TPCN1: variants seen among roughly 807,000 people sequenced by gnomAD.
The protein encoded by TPCN1 is two pore channel protein 1.
Under a neutral mutation model 108.8 loss-of-function variants are expected in TPCN1, and 52 were observed. The observed-to-expected ratio is 0.48, with a 90% confidence interval of 0.38 to 0.60. The LOEUF is 0.60. Among genes scored for constraint, TPCN1 ranks in the 20% least tolerant of loss-of-function variants. The pLI, the probability that TPCN1 is intolerant of heterozygous loss-of-function variation, is 0.00. For missense variants in TPCN1, 806 were observed against 1,072.8 expected, an observed-to-expected ratio of 0.75 and a Z score of 3.47; for synonymous variants, 446 against 433.7, an observed-to-expected ratio of 1.03 and a Z score of -0.35.
At position 113,288,226 on chromosome 12, in the gene TPCN1, G is replaced by A. The variant is rs779325060; in HGVS notation, c.1698G>A (p.Arg566=). The A allele has an allele frequency of 9.3e-6, 15 of 1,613,744 alleles. No individual in the cohort carries two copies. The highest frequency in any genetic ancestry group is 1.1e-5 in the South Asian group (1 of 91,086). ...ACACCATGTTCGAGCTGCTGCCCCG[G>A]ATGGCCAGGTACTGCCAGCCCCCAC... ...VLDTMFELLP[R]MASLGLTLLI... is the part of the protein sequence containing the mutation. Residue 566 remains arginine (R), a synonymous_variant, in exon 20 of 28, where the codon CGG becomes CGA. Coordinates refer to ENST00000335509, the MANE Select transcript of TPCN1 (RefSeq NM_017901.6). The surrounding 1 kb of genome is among the most constrained non-coding windows in gnomAD (Gnocchi z 4.8).
chr12:113,267,811 C>A (rs1399333187), intron 4 of TPCN1, 32 bp from the exon 5 acceptor site: 2 of 1,513,420 alleles, frequency 1.3e-6, no homozygotes, highest in South Asian at 1.1e-5. Context: ...GCTGGGCTGG[C>A]CATGACACAT....
rs1170654980 is a variant in TPCN1, at chr12:113,289,344, C to G, written c.1796+497C>G. On this transcript the variant is annotated intron_variant, in intron 21 of 27. Transcript: ENST00000335509. This position sits in a 1 kb window ranked among gnomAD's most constrained non-coding sequence, Gnocchi z 4.1. ...TCACTGCACACTGCCATTCATTCAT[C>G]CTCAATTCAGAGAGTCCTCTTACAT... 1.3e-5 allele frequency among the ~76,000 whole-genome samples: 2 copies of G among 152,244 alleles called. No homozygotes were observed. The highest frequency in any genetic ancestry group is 6.5e-5 in the Admixed American group (1 of 15,282).
intron 2 of TPCN1, among the ~76,000 whole-genome samples, chr12:113,228,873 A>G (rs937414611): frequency 2.6e-4 from 40 of 152,068 alleles, no homozygotes; most frequent in Admixed American, 7.2e-4. Flanking sequence ...CTAGTGAGGG[A>G]GGGTGGTTGG....
At chr12:113,245,393 C>T (rs1367347619) in intron 2 of TPCN1, among the ~76,000 whole-genome samples, 1 of 148,922 alleles carries the variant, frequency 6.7e-6, no homozygotes, top group Non-Finnish European at 1.5e-5. Flanking sequence ...GTCAGGAGAT[C>T]GAGACCATCC....
rs534874260 is a variant in TPCN1 at position 113,272,468 on chromosome 12, C to A, written c.749-190C>A. Among the ~76,000 whole-genome samples, 1 of 152,192 alleles carries A rather than the reference C, an allele frequency of 6.6e-6. No individual in the cohort carries two copies. The highest frequency in any genetic ancestry group is 1.5e-5 in the Non-Finnish European group (1 of 68,036). Reference sequence around the variant, plus strand: ...CGGCACATTGCTGTAGGGCAGCAAGCGTCTGGTGCCAGCAGCCCTGCTCCC... The same window carrying A: ...CGGCACATTGCTGTAGGGCAGCAAGAGTCTGGTGCCAGCAGCCCTGCTCCC... On this transcript the variant is annotated intron_variant, in intron 7 of 27. Coordinates refer to ENST00000335509, the MANE Select transcript of TPCN1 (RefSeq NM_017901.6). The surrounding 1 kb of genome is among the most constrained non-coding windows in gnomAD (Gnocchi z 4.1).
Position 113,277,341 on chromosome 12 carries a change from T to C in TPCN1, c.1161T>C (p.Asn387=). 6.2e-7 allele frequency: 1 copy of C among 1,614,122 alleles called. No individual in the cohort carries two copies. Among genetic ancestry groups the C allele is most frequent in the Non-Finnish European group, 8.5e-7 (1 of 1,180,020 alleles). The part of the protein sequence containing the change: ...RERYLTFKAL[N]QNNTPLLSLK... ...GCTATCTTACCTTCAAGGCCCTGAA[T>C]CAGAACAACACACCCCTGCTCAGGT... is the stretch of plus-strand genomic sequence containing the variant. Residue 387 remains asparagine, a synonymous_variant, in exon 12 of 28, where the codon AAT becomes AAC. Transcript: ENST00000335509.
intron 1 of TPCN1, 139 bp from the exon 2 acceptor site, chr12:113,226,589 C>T (rs1953478668): frequency 1.3e-6 from 1 of 762,478 alleles, no homozygotes; most frequent in Non-Finnish European, 2.0e-6. Flanking sequence ...CCCTAGTTCA[C>T]CATTTTAAAG....
intron 2 of TPCN1, among the ~76,000 whole-genome samples, chr12:113,236,482 G>C (rs1207408726): frequency 6.6e-6 from 1 of 152,100 alleles, no homozygotes; most frequent in Non-Finnish European, 1.5e-5. Flanking sequence ...GTGGAGTTTG[G>C]GGTGCTGGGG....
At chr12:113,248,788 T>A (rs73192822) in intron 2 of TPCN1, among the ~76,000 whole-genome samples, 13,931 of 152,136 alleles carry the variant, frequency 0.092, 730 homozygotes, top group East Asian at 0.21. Flanking sequence ...CTTTAGGATT[T>A]TTGTTATATT....
intron 18 of TPCN1, 67 bp from the exon 19 acceptor site, chr12:113,286,920 A>G: frequency 8.6e-7 from 1 of 1,165,136 alleles, no homozygotes; most frequent in South Asian, 1.3e-5. Context: ...GCACAGGGCC[A>G]GGGAGGGGAG....
intron 25 of TPCN1, 138 bp downstream of exon 25, chr12:113,292,096 T>C: frequency 1.4e-6 from 1 of 719,146 alleles, no homozygotes; most frequent in South Asian, 1.6e-5. Context: ...CTATCTGGCT[T>C]GTCTTTCTAG....
At chr12:113,286,733 G>T (rs1956095900) in intron 18 of TPCN1, among the ~76,000 whole-genome samples, 1 of 152,182 alleles carries the variant, frequency 6.6e-6, no homozygotes, top group African/African-American at 2.4e-5. Flanking sequence ...GGGGCCCTTT[G>T]TAGGGGTTCC....
chr12:113,225,695 C>T (rs1413411248), intron 1 of TPCN1, among the ~76,000 whole-genome samples: 3 of 152,072 alleles, frequency 2.0e-5, no homozygotes, highest in Admixed American at 6.6e-5. Flanking sequence ...GCTGGGATTA[C>T]CGGCACGTGC....
intron 3 of TPCN1, among the ~76,000 whole-genome samples, chr12:113,265,694 C>T (rs1255309073): frequency 6.6e-6 from 1 of 152,014 alleles, no homozygotes; most frequent in African/African-American, 2.4e-5. Context: ...CCAGGGGTCT[C>T]AACATGTTGC....
chr12:113,277,425 A>AC, intron 12 of TPCN1, 61 bp downstream of exon 12: 15 of 1,602,970 alleles, frequency 9.4e-6, no homozygotes, highest in Non-Finnish European at 1.3e-5. Context: ...TCTAGAGTGA[A>AC]CGGGGGCATG....
At chr12:113,230,922 C>T (rs1953664432) in intron 2 of TPCN1, among the ~76,000 whole-genome samples, 1 of 152,260 alleles carries the variant, frequency 6.6e-6, no homozygotes, top group Non-Finnish European at 1.5e-5. Flanking sequence ...GCCGCCTCTC[C>T]TCACCATTGC....
intron 12 of TPCN1, 58 bp from the exon 13 acceptor site, chr12:113,278,131 C>A (rs1175383980): frequency 2.0e-6 from 3 of 1,512,302 alleles, no homozygotes; most frequent in East Asian, 2.3e-5. Context: ...GTAAGAGAAG[C>A]AAAGCACAGT....
At chr12:113,294,571 G>T (rs1027628115) in intron 27 of TPCN1, among the ~76,000 whole-genome samples, 1 of 150,950 alleles carries the variant, frequency 6.6e-6, no homozygotes, top group African/African-American at 2.4e-5. Flanking sequence ...AGGTTGCAGT[G>T]AGCCAAGATC....
Position 113,289,954 on chromosome 12 carries a change from A to C in TPCN1, c.1797-174A>C. The C allele has an allele frequency of 1.8e-6, 1 of 555,422 alleles. No individual in the cohort carries two copies. Among genetic ancestry groups the C allele is most frequent in the Non-Finnish European group, 3.2e-6 (1 of 313,048 alleles). 34.4% of individuals were successfully genotyped at this position (555,422 alleles called of 1,614,324 possible). A position where few individuals can be genotyped will look rare whatever the true frequency, so the allele number is the denominator to read the frequency against. Reference sequence around the variant, plus strand: ...CCAGCAGGCAGGAATAGCCAAGGGCATTCCTTCAGCAGGGACCCAGGCATG... The same window carrying C: ...CCAGCAGGCAGGAATAGCCAAGGGCCTTCCTTCAGCAGGGACCCAGGCATG... On this transcript the variant is annotated intron_variant, in intron 21 of 27. Coordinates refer to ENST00000335509, the MANE Select transcript of TPCN1 (RefSeq NM_017901.6). This position sits in a 1 kb window ranked among gnomAD's most constrained non-coding sequence, Gnocchi z 4.1.
Sources: gnomAD v4.1 joint callset for allele counts (sites outside exome capture counted in the v4.1 genomes callset) on GRCh38, gnomAD v4.1.1 for gene constraint, Gnocchi (gnomAD v3.1) non-coding constraint, MANE v1.5 for transcripts, NCBI Gene and HGNC (gene_info 2026-07-23, HGNC 2026-07-21) for gene names.